MGAT4C: variants seen among roughly 807,000 people sequenced by gnomAD.
The protein encoded by MGAT4C is alpha-1,3-mannosyl-glycoprotein 4-beta-N-acetylglucosaminyltransferase C.
A neutral mutation model predicts 40.1 loss-of-function variants in MGAT4C; 19 were observed. The observed-to-expected ratio is 0.47, with a 90% CI of 0.33 to 0.70. The LOEUF (loss-of-function observed/expected upper bound fraction) is 0.70. Ranked by LOEUF, MGAT4C falls within the 30% of genes least tolerant of loss-of-function variation. The pLI, the probability that MGAT4C is intolerant of heterozygous loss-of-function variation, is 0.02. For synonymous variants in MGAT4C, 181 were observed against 187.1 expected (o/e 0.97, Z 0.27); for missense variants, 491 against 563.2 (o/e 0.87, Z 1.30).
chr12:86,490,955 A>G (rs902408295), intron 2 of MGAT4C, among the ~76,000 whole-genome samples: 3 of 152,152 alleles, frequency 2.0e-5, no homozygotes, highest in Non-Finnish European at 4.4e-5. Context: ...CTCCCACACA[A>G]TAATAATGGG....
intron 2 of MGAT4C, among the ~76,000 whole-genome samples, chr12:86,465,177 C>A (rs919994730): frequency 1.1e-4 from 17 of 151,834 alleles, no homozygotes; most frequent in Admixed American, 9.8e-4. Flanking sequence ...ACATTACATT[C>A]AAAAAAATGA....
rs1458946636 is a variant in MGAT4C at position 86,724,055 on chromosome 12, TTAACTTTTA to T, written c.-229+3145_-229+3153del. ...GATACAATACCCATGCATTATAAAT[TTAACTTTTA>T]TAACATACTGAAAAACTTCAAACCT... On this transcript the variant is annotated intron_variant, in intron 2 of 7. Coordinates refer to the MGAT4C transcript ENST00000548651. 3.3e-5 allele frequency among the ~76,000 whole-genome samples: 5 copies of T among 152,192 alleles called. No individual in the cohort carries two copies. In the East Asian group the frequency reaches 7.7e-4, roughly 23 times the overall value.
intron 1 of MGAT4C, among the ~76,000 whole-genome samples, chr12:86,088,816 G>A (rs542808939): frequency 2.6e-5 from 4 of 152,092 alleles, no homozygotes; most frequent in East Asian, 1.9e-4. Flanking sequence ...GAATTCAACC[G>A]TTGTGGAAAG....
chr12:86,020,993 A>T (rs1592706549), intron 2 of MGAT4C, among the ~76,000 whole-genome samples: 1 of 152,364 alleles, frequency 6.6e-6, no homozygotes, highest in African/African-American at 2.4e-5. Flanking sequence ...AAAAATGCTC[A>T]TCATCACTGG....
At chr12:86,099,235 T>C (rs766527766) in intron 1 of MGAT4C, among the ~76,000 whole-genome samples, 3 of 151,454 alleles carry the variant, frequency 2.0e-5, no homozygotes, top group Non-Finnish European at 4.4e-5. Flanking sequence ...CATTTTAAGA[T>C]TTTTTGTCTG....
intron 2 of MGAT4C, among the ~76,000 whole-genome samples, chr12:86,450,203 T>C (rs1337723675): frequency 6.6e-6 from 1 of 152,112 alleles, no homozygotes; most frequent in Non-Finnish European, 1.5e-5. Flanking sequence ...TCCACAACAT[T>C]GTCAACAGGA....
intron 4 of MGAT4C, among the ~76,000 whole-genome samples, chr12:85,980,963 T>C (rs891903449): frequency 8.5e-5 from 13 of 152,126 alleles, no homozygotes; most frequent in African/African-American, 2.7e-4. Context: ...ATCACATATT[T>C]TCAGTTTTCT....
At chr12:86,294,064 T>C (rs1953598520) in intron 4 of MGAT4C, among the ~76,000 whole-genome samples, 1 of 152,090 alleles carries the variant, frequency 6.6e-6, no homozygotes. Context: ...ACAAAGATCA[T>C]GACAAATATT....
intron 1 of MGAT4C, among the ~76,000 whole-genome samples, chr12:86,748,816 A>T (rs914017899): frequency 5.3e-5 from 8 of 151,798 alleles, no homozygotes; most frequent in Non-Finnish European, 7.4e-5. Context: ...AAGAAAATTT[A>T]AAAAATTTAG....
chr12:86,321,706 T>C (rs1954393870), intron 4 of MGAT4C, among the ~76,000 whole-genome samples: 1 of 152,138 alleles, frequency 6.6e-6, no homozygotes. Flanking sequence ...TGGCGATCAT[T>C]AACAAGTCAG....
intron 2 of MGAT4C, among the ~76,000 whole-genome samples, chr12:86,510,365 G>T (rs991002150): frequency 2.0e-5 from 3 of 152,052 alleles, no homozygotes; most frequent in Non-Finnish European, 4.4e-5. Flanking sequence ...AGGAAAAACC[G>T]GTACTAGCCA....
intron 2 of MGAT4C, among the ~76,000 whole-genome samples, chr12:86,514,208 A>G (rs1179001939): frequency 6.6e-6 from 1 of 152,140 alleles, no homozygotes; most frequent in Non-Finnish European, 1.5e-5. Flanking sequence ...CTGAGCAGAA[A>G]TTTCTGTAGC....
At chr12:86,108,607 C>T (rs1347644964) in intron 1 of MGAT4C, among the ~76,000 whole-genome samples, 2 of 152,092 alleles carry the variant, frequency 1.3e-5, no homozygotes, top group Non-Finnish European at 2.9e-5. Context: ...TTGGTTCTGG[C>T]CGGGTTTACA....
chr12:86,739,478 A>G (rs1206314661), intron 1 of MGAT4C, among the ~76,000 whole-genome samples: 1 of 150,930 alleles, frequency 6.6e-6, no homozygotes, highest in East Asian at 1.9e-4. Flanking sequence ...CCCTCCATAT[A>G]CATGGGTTCT....
At chr12:86,093,601 G>T (rs1387911019) in intron 1 of MGAT4C, among the ~76,000 whole-genome samples, 3 of 151,898 alleles carry the variant, frequency 2.0e-5, no homozygotes, top group Non-Finnish European at 2.9e-5. Flanking sequence ...GGTGGTACTC[G>T]CCTGTAGTCC....
At chr12:86,290,196 G>A (rs111234738) in intron 4 of MGAT4C, among the ~76,000 whole-genome samples, 11 of 152,174 alleles carry the variant, frequency 7.2e-5, no homozygotes, top group Admixed American at 2.6e-4. Flanking sequence ...ACAGGCATGC[G>A]CCACTGTGCC....
intron 2 of MGAT4C, among the ~76,000 whole-genome samples, chr12:86,456,950 C>A (rs1213085617): frequency 6.6e-6 from 1 of 152,106 alleles, no homozygotes; most frequent in East Asian, 1.9e-4. Flanking sequence ...CTTTGAAAGA[C>A]ACCCCCAGGG....
chr12:86,801,291 A>G lies in MGAT4C; in HGVS notation c.-262+37375T>C, dbSNP rs541947100. 2.6e-5 allele frequency among the ~76,000 whole-genome samples: 4 copies of G among 152,022 alleles called. No homozygotes were observed. The South Asian group carries it at 8.3e-4, about 32-fold the overall frequency. ...GAGCTTCAAGAAAAGCAGTGTCCTC[A>G]AGGGAGAACATTTTTTAAGTAATAA... On this transcript the variant is annotated intron_variant, in intron 1 of 7. Coordinates refer to the MGAT4C transcript ENST00000548651.
chr12:86,279,235 T>G (rs950991929), intron 4 of MGAT4C, among the ~76,000 whole-genome samples: 5 of 152,188 alleles, frequency 3.3e-5, no homozygotes, highest in African/African-American at 1.2e-4. Flanking sequence ...AGGATTGATA[T>G]TAGGTCTTCT....
Sources: allele counts gnomAD v4.1 joint callset (sites outside exome capture counted in the v4.1 genomes callset), GRCh38; gene constraint gnomAD v4.1.1; transcripts MANE v1.5; gene names NCBI Gene and HGNC (gene_info 2026-07-23, HGNC 2026-07-21).